The following PXYLP1 variants were observed in gnomAD, a reference collection of about 807,000 sequenced individuals.
The protein encoded by PXYLP1 is acid phosphatase-like 2.
PXYLP1 carries 17 observed loss-of-function variants against 37.9 expected under a neutral mutation model. That is an observed-to-expected ratio of 0.45 (90% CI 0.31 to 0.67). The LOEUF (loss-of-function observed/expected upper bound fraction) is 0.67. PXYLP1 is among the 30% of genes least tolerant of loss of function. The probability of loss-of-function intolerance (pLI) is 0.07; values close to 1 mark genes in which losing one functional copy is unlikely to be tolerated. For synonymous variants in PXYLP1, 221 were observed against 232.2 expected (o/e 0.95, Z 0.44); for missense variants, 511 against 612.0 (o/e 0.84, Z 1.74).
At chr3:141,239,693 G>A (rs1940749019) in intron 1 of PXYLP1, among the ~76,000 whole-genome samples, 1 of 152,206 alleles carries the variant, frequency 6.6e-6, no homozygotes, top group Non-Finnish European at 1.5e-5. Flanking sequence ...TTTACTCTGT[G>A]TGCCAAATGC....
rs1314546598 is a variant in PXYLP1 at position 141,293,083 on chromosome 3, C to T, written c.1321C>T (p.Arg441Cys). 9.3e-6 allele frequency: 15 copies of T among 1,614,094 alleles called. No individual in the cohort carries two copies. The highest frequency in any genetic ancestry group is 3.3e-5 in the South Asian group (3 of 91,088). ...CTCTTTCTGCCAAGACCACCACAAG[C>T]GTTCTCCCAAGCCCATGTGCCCGCT... ...HTSFCQDHHK[R>C]SPKPMCPLEN... is the part of the protein sequence containing the mutation. The change falls in exon 6 of 6, where the codon CGT (arginine) becomes TGT (cysteine). Residue 441 changes from arginine (R) to cysteine (C), a missense_variant. Arg to Cys is a radical substitution (Grantham distance 180). Transcript: ENST00000286353.
chr3:141,260,181 T>A lies in PXYLP1; in HGVS notation c.6T>A (p.Leu2=), dbSNP rs1249161194. 4.3e-6 allele frequency: 7 copies of A among 1,614,004 alleles called. No individual in the cohort carries two copies. Among genetic ancestry groups the A allele is most frequent in the Middle Eastern group, 3.3e-4 (2 of 6,062 alleles). The stretch of plus-strand genomic sequence containing the variant: ...AGAAAATAGAATACTTAATAATGCT[T>A]TTCCGCAACCGCTTCTTGCTGCTGC... M[L]FRNRFLLLLA... The change falls in exon 2 of 6, where the codon CTT becomes CTA. Residue 2 remains leucine (L), a synonymous_variant. Coordinates refer to ENST00000286353, the MANE Select transcript of PXYLP1 (RefSeq NM_001037172.3).
At chr3:141,289,942 A>G (rs777040954) in intron 5 of PXYLP1, among the ~76,000 whole-genome samples, 4 of 152,194 alleles carry the variant, frequency 2.6e-5, no homozygotes, top group East Asian at 1.9e-4. Context: ...CAATTCATCT[A>G]TCATCATCAT....
At chr3:141,280,692 C>A (rs1268022634) in intron 4 of PXYLP1, among the ~76,000 whole-genome samples, 1 of 152,182 alleles carries the variant, frequency 6.6e-6, no homozygotes, top group African/African-American at 2.4e-5. Context: ...TGCTGACTCC[C>A]CCAGGACTGT....
At chr3:141,266,497 G>A (rs981242237) in intron 2 of PXYLP1, among the ~76,000 whole-genome samples, 5 of 152,132 alleles carry the variant, frequency 3.3e-5, no homozygotes, top group Admixed American at 6.5e-5. Context: ...AAGGGGCCAC[G>A]AAGGAGACAG....
At chr3:141,283,711 T>C (rs1198846342) in intron 4 of PXYLP1, among the ~76,000 whole-genome samples, 1 of 152,024 alleles carries the variant, frequency 6.6e-6, no homozygotes, top group Non-Finnish European at 1.5e-5. Context: ...TTTCCAGCTA[T>C]GTATGCTCTT....
intron 1 of PXYLP1, among the ~76,000 whole-genome samples, chr3:141,250,524 G>A (rs1443859632): frequency 3.3e-5 from 5 of 152,222 alleles, no homozygotes; most frequent in Admixed American, 6.5e-5. Flanking sequence ...TCCATTCCCA[G>A]TGTCAGTGAT....
At chr3:141,248,296 G>T (rs531726713) in intron 1 of PXYLP1, among the ~76,000 whole-genome samples, 33 of 152,112 alleles carry the variant, frequency 2.2e-4, no homozygotes, top group African/African-American at 7.7e-4. Context: ...GCCTCAAAGT[G>T]CTGGGATTAC....
At chr3:141,253,403 C>G (rs1941189226) in intron 1 of PXYLP1, among the ~76,000 whole-genome samples, 1 of 152,224 alleles carries the variant, frequency 6.6e-6, no homozygotes, top group Non-Finnish European at 1.5e-5. Flanking sequence ...TCATCCCCCT[C>G]TCTGGCTCCT....
chr3:141,247,607 C>G (rs16851210), intron 1 of PXYLP1, among the ~76,000 whole-genome samples: 5,695 of 152,242 alleles, frequency 0.037, 348 homozygotes, highest in African/African-American at 0.13. Context: ...ATAACCAAGA[C>G]TTCACATTCT....
intron 4 of PXYLP1, among the ~76,000 whole-genome samples, chr3:141,281,175 G>A (rs1189325882): frequency 6.6e-6 from 1 of 152,184 alleles, no homozygotes; most frequent in African/African-American, 2.4e-5. Context: ...ACAAATTTTA[G>A]TTTTATGCTT....
At chr3:141,242,808 C>T (rs559716845) in intron 1 of PXYLP1, among the ~76,000 whole-genome samples, 1 of 152,182 alleles carries the variant, frequency 6.6e-6, no homozygotes, top group Admixed American at 6.5e-5. Context: ...ATCTAATCCC[C>T]TCCATGCCCC....
At chr3:141,254,003 C>T (rs111935943) in intron 1 of PXYLP1, among the ~76,000 whole-genome samples, 5 of 151,966 alleles carry the variant, frequency 3.3e-5, no homozygotes, top group Non-Finnish European at 7.4e-5. Flanking sequence ...CCTCCACCTC[C>T]GGGGCTCAAG....
At chr3:141,247,498 T>C (rs1576578120) in intron 1 of PXYLP1, among the ~76,000 whole-genome samples, 1 of 152,352 alleles carries the variant, frequency 6.6e-6, no homozygotes, top group East Asian at 1.9e-4. Context: ...AGAGGAAGCA[T>C]AGATGTCCAT....
intron 1 of PXYLP1, among the ~76,000 whole-genome samples, chr3:141,242,731 C>G (rs890736521): frequency 1.3e-5 from 2 of 152,176 alleles, no homozygotes; most frequent in African/African-American, 4.8e-5. Flanking sequence ...GGTCCAAGTG[C>G]TGCAGGGAAT....
chr3:141,266,566 A>G (rs929934857), intron 2 of PXYLP1, among the ~76,000 whole-genome samples: 1 of 144,176 alleles, frequency 6.9e-6, no homozygotes, highest in Non-Finnish European at 1.6e-5. Flanking sequence ...CAAGGGGGCA[A>G]CCTGCTTAGA....
intron 2 of PXYLP1, chr3:141,262,666 A>G (rs1446158498): frequency 6.5e-7 from 1 of 1,532,450 alleles, no homozygotes; most frequent in South Asian, 1.2e-5. Flanking sequence ...TTATTCTTGG[A>G]TACGTTGGAG....
chr3:141,257,904 CAAAAAAAAA>C (rs59070598), intron 1 of PXYLP1, among the ~76,000 whole-genome samples: 1 of 79,444 alleles, frequency 1.3e-5, no homozygotes, highest in African/African-American at 4.3e-5. Context: ...AACTCTGTCT[CAAAAAAAAA>C]AAAAAAAAAA....
rs530553583 is a variant in PXYLP1 at position 141,238,611 on chromosome 3, C to T, written c.-54+6700C>T. On this transcript the variant is annotated intron_variant, in intron 1 of 5. Transcript: ENST00000286353. ...AACTATGGTTGACCCTTGAACAACT[C>T]AGGGGTTAGGAGCACTGATTCCCCC... Among the ~76,000 whole-genome samples the T allele has an allele frequency of 8.8e-4, 134 of 152,292 alleles. 1 individual carries two copies. Among genetic ancestry groups the T allele is most frequent in the African/African-American group, 3.1e-3 (127 of 41,546 alleles).
Sources: gnomAD v4.1 joint callset for allele counts (sites outside exome capture counted in the v4.1 genomes callset) on GRCh38, gnomAD v4.1.1 for gene constraint, MANE v1.5 for transcripts, NCBI Gene and HGNC (gene_info 2026-07-23, HGNC 2026-07-21) for gene names.